Variants in AOAH observed in about 807,000 individuals in gnomAD.
The protein encoded by AOAH is acyloxyacyl hydrolase (neutrophil).
In AOAH, 64 loss-of-function variants were observed where a neutral mutation model predicts 92.2. The observed-to-expected ratio is 0.69, with a 90% confidence interval of 0.57 to 0.86. AOAH has a LOEUF of 0.86. Among genes scored for constraint, AOAH ranks in the 40% least tolerant of loss-of-function variants. AOAH has a pLI of 0.00. For missense variants in AOAH, 656 were observed against 694.6 expected (o/e 0.94, Z 0.62); for synonymous variants, 263 against 254.5 (o/e 1.03, Z -0.32).
intron 20 of AOAH, among the ~76,000 whole-genome samples, chr7:36,515,367 C>CCA (rs1275219684): frequency 2.0e-5 from 2 of 98,982 alleles, no homozygotes; most frequent in Non-Finnish European, 2.0e-5. Context: ...CACACACACA[C>CCA]CACACACACC....
At chr7:36,534,680 A>G (rs1020980044) in intron 16 of AOAH, among the ~76,000 whole-genome samples, 9 of 152,160 alleles carry the variant, frequency 5.9e-5, no homozygotes, top group African/African-American at 2.2e-4. Flanking sequence ...ATTTTGGCCT[A>G]TTGATCCTAC....
intron 20 of AOAH, chr7:36,514,421 T>C: frequency 2.2e-6 from 3 of 1,367,982 alleles, no homozygotes; most frequent in Middle Eastern, 1.8e-4. Flanking sequence ...GAGGAATCCT[T>C]AGCTTAATAC....
At chr7:36,707,673 G>C (rs1798512171) in intron 1 of AOAH, among the ~76,000 whole-genome samples, 1 of 152,072 alleles carries the variant, frequency 6.6e-6, no homozygotes, top group Admixed American at 6.6e-5. Flanking sequence ...TCATATTACT[G>C]TTTTCCAGTA....
At chr7:36,531,317 T>C (rs1784677709) in intron 18 of AOAH, among the ~76,000 whole-genome samples, 1 of 152,184 alleles carries the variant, frequency 6.6e-6, no homozygotes, top group Non-Finnish European at 1.5e-5. Flanking sequence ...GCTTTTTATG[T>C]AAAAAATGTT....
At chr7:36,594,217 A>T in intron 12 of AOAH, 122 bp downstream of exon 12, 1 of 779,472 alleles carries the variant, frequency 1.3e-6, no homozygotes. Flanking sequence ...ATGAACTCAA[A>T]TTCATGTTCT....
intron 15 of AOAH, among the ~76,000 whole-genome samples, chr7:36,548,180 C>T (rs768850060): frequency 1.3e-5 from 2 of 152,116 alleles, no homozygotes; most frequent in African/African-American, 2.4e-5. Context: ...TGATTTCACA[C>T]GTGTCTAGGA....
intron 8 of AOAH, 48 bp downstream of exon 8, chr7:36,621,662 C>G (rs369563422): frequency 6.3e-7 from 1 of 1,578,468 alleles, no homozygotes; most frequent in African/African-American, 1.3e-5. Context: ...CTCCTGCTTC[C>G]TTTTCTGAAG....
At chr7:36,720,003 T>C (rs561914473) in intron 1 of AOAH, among the ~76,000 whole-genome samples, 102 of 152,010 alleles carry the variant, frequency 6.7e-4, no homozygotes, top group Non-Finnish European at 4.1e-4. Flanking sequence ...AGCTGCCTAA[T>C]CACCTTTTGC....
At chr7:36,558,522 T>G (rs1294144223) in intron 13 of AOAH, among the ~76,000 whole-genome samples, 1 of 152,146 alleles carries the variant, frequency 6.6e-6, no homozygotes, top group African/African-American at 2.4e-5. Flanking sequence ...TCAAAGACAT[T>G]TAAGTCTGCA....
At chr7:36,670,559 C>T (rs1350076802) in intron 3 of AOAH, among the ~76,000 whole-genome samples, 3 of 152,178 alleles carry the variant, frequency 2.0e-5, no homozygotes, top group East Asian at 1.9e-4. Context: ...ACTGCAACCT[C>T]GGTCTCCAGG....
intron 13 of AOAH, among the ~76,000 whole-genome samples, chr7:36,552,098 G>T (rs746974868): frequency 6.6e-6 from 1 of 151,994 alleles, no homozygotes; most frequent in East Asian, 1.9e-4. Context: ...TGTTACATAG[G>T]TAAATATGTG....
intron 4 of AOAH, among the ~76,000 whole-genome samples, chr7:36,647,516 A>G (rs974926321): frequency 2.6e-5 from 4 of 152,376 alleles, no homozygotes; most frequent in South Asian, 4.1e-4. Context: ...AAAAATGTTC[A>G]TATCTCAAAT....
chr7:36,717,912 A>C (rs994844109), intron 1 of AOAH, among the ~76,000 whole-genome samples: 6 of 151,994 alleles, frequency 3.9e-5, no homozygotes, highest in African/African-American at 1.4e-4. Flanking sequence ...TAGGTCTTAG[A>C]TATGACACCA....
At chr7:36,633,507 G>A (rs1489949113) in intron 5 of AOAH, among the ~76,000 whole-genome samples, 1 of 152,190 alleles carries the variant, frequency 6.6e-6, no homozygotes, top group Non-Finnish European at 1.5e-5. Context: ...CTGGCTCCCG[G>A]AAGAGGGAGT....
At chr7:36,701,991 A>C (rs748693163) in intron 1 of AOAH, among the ~76,000 whole-genome samples, 16 of 152,006 alleles carry the variant, frequency 1.1e-4, no homozygotes, top group Non-Finnish European at 2.2e-4. Context: ...TTACCTTATC[A>C]TAATGTATTT....
intron 2 of AOAH, among the ~76,000 whole-genome samples, chr7:36,679,119 T>C (rs916359690): frequency 1.3e-5 from 2 of 152,252 alleles, no homozygotes; most frequent in East Asian, 1.9e-4. Flanking sequence ...TACAGATGTA[T>C]GTGTAAATAA....
chr7:36,667,804 C>T (rs1448658296), intron 3 of AOAH, among the ~76,000 whole-genome samples: 1 of 152,206 alleles, frequency 6.6e-6, no homozygotes, highest in Non-Finnish European at 1.5e-5. Context: ...TTATGTAACT[C>T]TTATCCCTTT....
chr7:36,692,476 C>T (rs1336817702), intron 1 of AOAH, among the ~76,000 whole-genome samples: 3 of 151,652 alleles, frequency 2.0e-5, no homozygotes, highest in Non-Finnish European at 4.4e-5. Flanking sequence ...TGAGAAAATG[C>T]TCAGTGGGTT....
intron 2 of AOAH, among the ~76,000 whole-genome samples, chr7:36,683,232 C>T (rs549229888): frequency 2.0e-4 from 31 of 152,212 alleles, no homozygotes; most frequent in Middle Eastern, 6.8e-3. Context: ...GTATAAAGGG[C>T]GCAGACAGCC....
Sources: allele counts gnomAD v4.1 joint callset (sites outside exome capture counted in the v4.1 genomes callset), GRCh38; gene constraint gnomAD v4.1.1; transcripts MANE v1.5; gene names NCBI Gene and HGNC (gene_info 2026-07-23, HGNC 2026-07-21).